The following KIAA1549L variants were observed in gnomAD, a reference collection of about 807,000 sequenced individuals.
The protein encoded by KIAA1549L is KIAA1549 like, also known as UPF0606 protein KIAA1549L.
Under a neutral mutation model 160.7 loss-of-function variants are expected in KIAA1549L, and 88 were observed. The ratio of observed to expected loss-of-function variants is 0.55; its 90% CI spans 0.46 to 0.65. The LOEUF is 0.65. Among genes scored for constraint, KIAA1549L ranks in the 30% least tolerant of loss-of-function variants. The pLI is 0.00. For synonymous variants in KIAA1549L, 950 were observed against 976.7 expected, an observed-to-expected ratio of 0.97 and a Z score of 0.51; for missense variants, 2,258 against 2,437.5, an observed-to-expected ratio of 0.93 and a Z score of 1.55.
intron 1 of KIAA1549L, chr11:33,450,588 C>CAACAACA (rs1554978916): frequency 5.4e-5 from 8 of 149,514 alleles, no homozygotes; most frequent in Non-Finnish European, 8.9e-5. Flanking sequence ...ACAACAACAA[C>CAACAACA]AAAAAAGAAA....
At chr11:33,477,450 G>C (rs773624757) in intron 1 of KIAA1549L, among the ~76,000 whole-genome samples, 1 of 151,968 alleles carries the variant, frequency 6.6e-6, no homozygotes, top group Non-Finnish European at 1.5e-5. Flanking sequence ...TTTAATGTAG[G>C]GTTTTTAGAA....
At chr11:33,527,877 G>T (rs1408743154) in intron 1 of KIAA1549L, among the ~76,000 whole-genome samples, 1 of 152,208 alleles carries the variant, frequency 6.6e-6, no homozygotes, top group Non-Finnish European at 1.5e-5. Context: ...GTCTCATCTT[G>T]AATTGTAGCT....
At chr11:33,377,317 T>C (rs1162764868) in intron 1 of KIAA1549L, among the ~76,000 whole-genome samples, 1 of 152,182 alleles carries the variant, frequency 6.6e-6, no homozygotes, top group Non-Finnish European at 1.5e-5. Flanking sequence ...TTCCCAAATA[T>C]CAACACAGTT....
At chr11:33,576,973 G>C (rs1052458621) in intron 10 of KIAA1549L, among the ~76,000 whole-genome samples, 2 of 152,178 alleles carry the variant, frequency 1.3e-5, no homozygotes, top group African/African-American at 4.8e-5. Context: ...GAATAGGTGA[G>C]AATAACCAGG....
intron 4 of KIAA1549L, 76 bp downstream of exon 4, chr11:33,547,955 T>C: frequency 1.1e-6 from 1 of 948,026 alleles, no homozygotes; most frequent in Non-Finnish European, 1.7e-6. Flanking sequence ...TAGATTGTTT[T>C]CCTCCTTTCT....
chr11:33,543,398 T>C lies in KIAA1549L; in HGVS notation c.1835T>C (p.Ile612Thr). The part of the protein sequence containing the change: ...FSTGSVSSPI[I>T]TAPRTNPLPS... ...ACCGGTAGTGTCTCATCTCCCATCATTACAGCACCAAGGACGAATCCCCTT... is the reference window on the plus strand; with the variant it reads ...ACCGGTAGTGTCTCATCTCCCATCACTACAGCACCAAGGACGAATCCCCTT... The change falls in exon 2 of 21, where the codon ATT becomes ACT. Residue 612 changes from isoleucine to threonine, a missense_variant. Transcript: ENST00000658780. 1.2e-6 allele frequency: 2 copies of C among 1,614,052 alleles called. No individual in the cohort carries two copies. Among genetic ancestry groups the C allele is most frequent in the Non-Finnish European group, 1.7e-6 (2 of 1,179,904 alleles).
intron 1 of KIAA1549L, among the ~76,000 whole-genome samples, chr11:33,520,119 C>CT (rs1853445001): frequency 1.3e-5 from 2 of 152,014 alleles, no homozygotes; most frequent in Admixed American, 6.6e-5. Flanking sequence ...TTCTCCCTTC[C>CT]TTTTTTTTCC....
intron 15 of KIAA1549L, among the ~76,000 whole-genome samples, chr11:33,615,243 T>G (rs1319737712): frequency 3.3e-5 from 5 of 152,044 alleles, no homozygotes; most frequent in Non-Finnish European, 7.4e-5. Flanking sequence ...CTGGGCCTCC[T>G]CCCGCTCCTC....
At position 33,669,653 on chromosome 11, in the gene KIAA1549L, A is replaced by AAGAT. The variant is rs1398780827; in HGVS notation, c.*1502_*1505dup. The AAGAT allele has an allele frequency of 6.6e-6, 1 of 152,224 alleles. No individual in the cohort carries two copies. Among genetic ancestry groups the AAGAT allele is most frequent in the African/African-American group, 2.4e-5 (1 of 41,462 alleles). 9.4% of individuals were successfully genotyped at this position (152,224 alleles called of 1,614,324 possible). On this transcript the variant is annotated 3_prime_UTR_variant, in exon 21 of 21. Transcript: ENST00000658780. ...GAGTTTCTTTGGTCTTTACTGAAAG[A>AAGAT]AGATAGTAGAAATTTAAAAGTTGAG... is the stretch of plus-strand genomic sequence containing the variant.
intron 18 of KIAA1549L, among the ~76,000 whole-genome samples, chr11:33,657,680 C>T (rs1852113983): frequency 6.6e-6 from 1 of 152,076 alleles, no homozygotes; most frequent in Non-Finnish European, 1.5e-5. Context: ...ACCTATAATC[C>T]CGGCTACTTG....
chr11:33,398,275 A>G (rs547718653), intron 1 of KIAA1549L, among the ~76,000 whole-genome samples: 9 of 134,256 alleles, frequency 6.7e-5, no homozygotes, highest in Non-Finnish European at 1.6e-5. Context: ...TCAAAAATGT[A>G]AAAAAAAAAA....
rs117293033 is a variant in KIAA1549L, at chr11:33,566,053, A to C, written c.4079-2023A>C. 8.7e-3 allele frequency among the ~76,000 whole-genome samples: 1,330 copies of C among 152,286 alleles called. 19 individuals are homozygous for C. Among genetic ancestry groups the C allele is most frequent in the South Asian group, 0.021 (101 of 4,816 alleles). ...AATTTTATTGTAAAATATACCTAAC[A>C]TAAAAGTTACCATTTTGAACATTTT... On this transcript the variant is annotated intron_variant, in intron 8 of 20. Transcript: ENST00000658780.
At chr11:33,565,589 C>G (rs1855020974) in intron 8 of KIAA1549L, among the ~76,000 whole-genome samples, 1 of 152,144 alleles carries the variant, frequency 6.6e-6, no homozygotes, top group Admixed American at 6.5e-5. Flanking sequence ...CCCAGGTGCC[C>G]CCTAAGAAGG....
chr11:33,434,323 T>A (rs2181627), intron 1 of KIAA1549L, among the ~76,000 whole-genome samples: 27,352 of 152,120 alleles, frequency 0.18, 3,145 homozygotes, highest in African/African-American at 0.33. Flanking sequence ...CCATGTAAGA[T>A]GTGACTTTGC....
intron 8 of KIAA1549L, 49 bp from the exon 9 acceptor site, chr11:33,568,027 A>G (rs1183758508): frequency 1.3e-6 from 2 of 1,523,936 alleles, no homozygotes; most frequent in Admixed American, 2.0e-5. Context: ...TTACTGAATC[A>G]GCAGAAAGTC....
chr11:33,656,209 C>G (rs1300233030), intron 18 of KIAA1549L, 100 bp downstream of exon 18: 3 of 831,846 alleles, frequency 3.6e-6, no homozygotes, highest in Non-Finnish European at 6.0e-6. Context: ...CCTTCATGCT[C>G]CACCCCATCC....
At chr11:33,617,716 T>C (rs1031601912) in intron 15 of KIAA1549L, among the ~76,000 whole-genome samples, 2 of 152,220 alleles carry the variant, frequency 1.3e-5, no homozygotes, top group Admixed American at 6.5e-5. Context: ...ATCTGTTTTG[T>C]TCACTGTGGA....
Position 33,673,258 on chromosome 11 carries a change from A to G in KIAA1549L, c.*5104A>G, listed in dbSNP as rs1282272078. ...GTCAAACCATACTTCAGTGAGAGCC[A>G]TTATAAGTGAAATCTAAAAATTGAT... On this transcript the variant is annotated 3_prime_UTR_variant, in exon 21 of 21. Coordinates refer to ENST00000658780, the MANE Select transcript of KIAA1549L (RefSeq NM_012194.3). 1 of 152,230 alleles carries G rather than the reference A, an allele frequency of 6.6e-6. No individual in the cohort carries two copies. Among genetic ancestry groups the G allele is most frequent in the African/African-American group, 2.4e-5 (1 of 41,464 alleles). The allele number at this position is 152,230 out of a possible 1,614,324, so 9.4% of individuals were successfully genotyped here. A position where few individuals can be genotyped will look rare whatever the true frequency, so the allele number is the denominator to read the frequency against.
chr11:33,640,260 T>A (rs1033018408), intron 16 of KIAA1549L, among the ~76,000 whole-genome samples: 1 of 152,166 alleles, frequency 6.6e-6, no homozygotes, highest in Non-Finnish European at 1.5e-5. Context: ...CCAACAAAAG[T>A]AATTTTAAAA....
Sources: allele counts gnomAD v4.1 joint callset (sites outside exome capture counted in the v4.1 genomes callset), GRCh38; gene constraint gnomAD v4.1.1; transcripts MANE v1.5; gene names NCBI Gene and HGNC (gene_info 2026-07-23, HGNC 2026-07-21).